HOXA3: variants seen among roughly 807,000 people sequenced by gnomAD.
HOXA3 encodes the protein homeobox A3, also known as homeobox protein Hox-A3.
In HOXA3, 8 loss-of-function variants were observed where a neutral mutation model predicts 30.3. The observed-to-expected ratio is 0.26, with a 90% CI of 0.15 to 0.48. HOXA3 has a LOEUF of 0.48. Ranked by LOEUF, HOXA3 falls within the 20% of genes least tolerant of loss-of-function variation. HOXA3 has a pLI of 0.99. For missense variants in HOXA3, 653 were observed against 614.4 expected (o/e 1.06, Z -0.66); for synonymous variants, 323 against 273.1 (o/e 1.18, Z -1.80).
chr7:27,114,343 A>T (rs985198602), intron 4 of HOXA3, among the ~76,000 whole-genome samples: 1 of 152,174 alleles, frequency 6.6e-6, no homozygotes, highest in East Asian at 1.9e-4. Context: ...TCTGCCCTGG[A>T]CACTTCCAAT....
At chr7:27,142,162 G>A in intron 1 of HOXA3, 1 of 1,514,986 alleles carries the variant, frequency 6.6e-7, no homozygotes, top group Non-Finnish European at 8.9e-7. Flanking sequence ...CTTGGGTCAT[G>A]AGCAGGGAAC....
intron 4 of HOXA3, among the ~76,000 whole-genome samples, chr7:27,114,304 A>G (rs955285326): frequency 6.6e-6 from 1 of 152,100 alleles, no homozygotes; most frequent in Non-Finnish European, 1.5e-5. Flanking sequence ...TCTATTTCTT[A>G]GGAATTCGTT....
At chr7:27,146,771 C>T (rs756354305) in intron 1 of HOXA3, among the ~76,000 whole-genome samples, 4 of 151,848 alleles carry the variant, frequency 2.6e-5, no homozygotes, top group African/African-American at 4.8e-5. Flanking sequence ...GAGTAGAAGC[C>T]GGGGGAGATG....
chr7:27,143,322 G>A (rs1782641417), intron 1 of HOXA3: 2 of 1,598,550 alleles, frequency 1.3e-6, no homozygotes, highest in Non-Finnish European at 1.7e-6. Context: ...TCGGGCTGAG[G>A]AGAGTGCGTG....
intron 4 of HOXA3, among the ~76,000 whole-genome samples, chr7:27,120,377 C>T (rs1282227791): frequency 6.6e-6 from 1 of 151,790 alleles, no homozygotes; most frequent in Non-Finnish European, 1.5e-5. Flanking sequence ...CCCGTCTGTA[C>T]TAAAAATACA....
Position 27,110,366 on chromosome 7 carries a change from G to T in HOXA3, c.275C>A (p.Pro92Gln). Residue 92 changes from proline to glutamine, a missense_variant, in exon 5 of 6, where the codon CCG becomes CAG. Pro to Gln is a moderately conservative substitution (Grantham distance 76, BLOSUM62 -1). Transcript: ENST00000612286. ...PPSLGEPPLH[P>Q]PPPQAAPPAP... ...AGGGGGCGCGGCCTGGGGCGGCGGCGGGTGCAGGGGCGGCTCTCCCAGGCT... is the reference window on the plus strand; with the variant it reads ...AGGGGGCGCGGCCTGGGGCGGCGGCTGGTGCAGGGGCGGCTCTCCCAGGCT... 1 of 1,508,040 alleles carries T rather than the reference G, an allele frequency of 6.6e-7. No individual in the cohort carries two copies. Among genetic ancestry groups the T allele is most frequent in the Non-Finnish European group, 8.8e-7 (1 of 1,133,610 alleles). The allele number at this position is 1,508,040 out of a possible 1,614,324, so 93.4% of individuals were successfully genotyped here.
rs899020233 is a variant in HOXA3 at position 27,152,359 on chromosome 7, G to A, written c.-565C>T. The A allele has an allele frequency of 3.1e-4, 385 of 1,224,692 alleles. No homozygotes were observed. The highest frequency in any genetic ancestry group is 1.6e-4 in the Admixed American group (5 of 31,958). The allele number at this position is 1,224,692 out of a possible 1,614,324, so 75.9% of individuals were successfully genotyped here. A position where few individuals can be genotyped will look rare whatever the true frequency, so the allele number is the denominator to read the frequency against. On this transcript the variant is annotated 5_prime_UTR_variant, in exon 1 of 6. Transcript: ENST00000612286. ...GCTTGGGCAGCCCGAGAGAAGAATT[G>A]TCCTCTTTCCTGGTGCCAGAGGACG...
intron 4 of HOXA3, chr7:27,116,405 A>AG (rs1214767678): frequency 6.5e-6 from 1 of 152,690 alleles, no homozygotes; most frequent in Non-Finnish European, 1.5e-5. Context: ...AAAATTATTG[A>AG]GGAAATGTAC....
chr7:27,120,252 C>T (rs572745279), intron 4 of HOXA3, among the ~76,000 whole-genome samples: 3 of 152,230 alleles, frequency 2.0e-5, no homozygotes, highest in African/African-American at 7.2e-5. Context: ...ACTCTTAAAG[C>T]CATAAATTGT....
chr7:27,148,673 GA>G (rs1276364254), intron 1 of HOXA3, among the ~76,000 whole-genome samples: 1 of 152,252 alleles, frequency 6.6e-6, no homozygotes, highest in Non-Finnish European at 1.5e-5. Flanking sequence ...GTTTCAACAA[GA>G]AAGGACCGAC....
chr7:27,119,305 C>A (rs1021978411), intron 4 of HOXA3, among the ~76,000 whole-genome samples: 1 of 152,084 alleles, frequency 6.6e-6, no homozygotes, highest in Non-Finnish European at 1.5e-5. Context: ...TCTCTCCCCA[C>A]CCCCACACAA....
At chr7:27,141,687 A>C in intron 1 of HOXA3, 1 of 969,384 alleles carries the variant, frequency 1.0e-6, no homozygotes, top group Non-Finnish European at 1.5e-6. Flanking sequence ...TAATGGCAAT[A>C]AACAGGCTCA....
chr7:27,145,391 G>A (rs997606389), intron 1 of HOXA3: 8 of 501,316 alleles, frequency 1.6e-5, no homozygotes, highest in African/African-American at 1.3e-4. Context: ...CTTGTGGAGC[G>A]GGACTGGGTG....
At chr7:27,129,707 C>T (rs1187948260) in intron 2 of HOXA3, 5 of 944,560 alleles carry the variant, frequency 5.3e-6, no homozygotes, top group African/African-American at 3.3e-5. Flanking sequence ...ACCAAGTTCA[C>T]GCAAGATACA....
rs1360714421 is a variant in HOXA3, at chr7:27,145,288, G to T, written c.-493-5102C>A. 19 of 239,062 alleles carry T rather than the reference G, an allele frequency of 7.9e-5. No individual in the cohort carries two copies. The Admixed American group carries it at 9.5e-4, about 12-fold the overall frequency. 14.8% of individuals were successfully genotyped at this position (239,062 alleles called of 1,614,324 possible). ...GGGCTCTTTCCTCCCCAGCAGCCCC[G>T]CGTCCCGAGGTCGGGGAGCTCAGAG... On this transcript the variant is annotated intron_variant, in intron 1 of 5. Transcript: ENST00000612286.
chr7:27,145,425 G>A (rs1782717822), intron 1 of HOXA3: 1 of 627,480 alleles, frequency 1.6e-6, no homozygotes, highest in African/African-American at 1.8e-5. Flanking sequence ...CCGCTCCACC[G>A]CTGGTATTGG....
chr7:27,130,644 G>T (rs747614651), intron 2 of HOXA3: 1 of 1,596,184 alleles, frequency 6.3e-7, no homozygotes, highest in Non-Finnish European at 8.5e-7. Flanking sequence ...CGTCTGCGCC[G>T]CCCGAGCCGC....
intron 1 of HOXA3, 173 bp from the exon 2 acceptor site, chr7:27,140,359 T>G (rs954791894): frequency 2.6e-5 from 4 of 152,206 alleles, no homozygotes; most frequent in Admixed American, 1.3e-4. Context: ...ATCTAATTCA[T>G]AGACAAAACC....
intron 4 of HOXA3, chr7:27,116,256 G>A (rs1372246868): frequency 6.5e-6 from 1 of 152,672 alleles, no homozygotes; most frequent in Non-Finnish European, 1.5e-5. Flanking sequence ...AGGTGCCCGT[G>A]GTGTCTTTCT....
Sources: allele counts gnomAD v4.1 joint callset (sites outside exome capture counted in the v4.1 genomes callset), GRCh38; gene constraint gnomAD v4.1.1; transcripts MANE v1.5; gene names NCBI Gene and HGNC (gene_info 2026-07-23, HGNC 2026-07-21).